KRT36: variants seen among roughly 807,000 people sequenced by gnomAD.
KRT36 encodes the protein keratin, type I cuticular Ha6.
KRT36 carries 41 observed loss-of-function variants against 43.0 expected under a neutral mutation model. The observed-to-expected ratio is 0.95, with a 90% CI of 0.74 to 1.24. The LOEUF is 1.24. Ranked by LOEUF, KRT36 falls within the 50% of genes most tolerant of loss-of-function variation. The pLI, the probability that KRT36 is intolerant of heterozygous loss-of-function variation, is 0.00. For missense variants in KRT36, 627 were observed against 595.3 expected, an observed-to-expected ratio of 1.05 and a Z score of -0.55; for synonymous variants, 277 against 252.9, an observed-to-expected ratio of 1.10 and a Z score of -0.90.
intron 1 of KRT36, 89 bp downstream of exon 1, chr17:41,489,317 T>C (rs563050850): frequency 7.2e-7 from 1 of 1,397,314 alleles, no homozygotes. Flanking sequence ...CCCTAAAAGC[T>C]ACCGTCCCAT....
chr17:41,488,507 A>G (rs1386925771), intron 2 of KRT36, 108 bp from the exon 3 acceptor site: 1 of 1,507,794 alleles, frequency 6.6e-7, no homozygotes, highest in Non-Finnish European at 9.1e-7. Context: ...GGAGCATGAC[A>G]CTCCTTTCCC....
chr17:41,489,195 G>A (rs141854147), intron 1 of KRT36, among the ~76,000 whole-genome samples: 210 of 152,298 alleles, frequency 1.4e-3, no homozygotes, highest in African/African-American at 4.8e-3. Flanking sequence ...AGCAAGGGGA[G>A]GGGGGTGAGG....
chr17:41,488,774 G>C (rs1349454172), intron 1 of KRT36, 50 bp from the exon 2 acceptor site: 1 of 1,455,132 alleles, frequency 6.9e-7, no homozygotes, highest in East Asian at 2.3e-5. Flanking sequence ...AGCAGTGTGG[G>C]GGCAGGTAGG....
chr17:41,489,740 A>T lies in KRT36; in HGVS notation c.125T>A (p.Leu42His). Residue 42 changes from leucine (L) to histidine (H), a missense_variant, in exon 1 of 7, where the codon CTC becomes CAC. Physicochemically the swap from Leu to His is moderately conservative, Grantham distance 99 (BLOSUM62 -3). Transcript: ENST00000328119. ...AGAGATGTACCCTGCAGCACCGGCGAGACTGGGGACCCTGCAGGAGCCCAC... is the reference window on the plus strand; with the variant it reads ...AGAGATGTACCCTGCAGCACCGGCGTGACTGGGGACCCTGCAGGAGCCCAC... ...RSVGSCRVPS[L>H]AGAAGYISSA... The T allele has an allele frequency of 6.2e-7, 1 of 1,614,066 alleles. No homozygotes were observed. The highest frequency in any genetic ancestry group is 1.1e-5 in the South Asian group (1 of 91,074).
In KRT36 at chr17:41,486,301, G is replaced by A. The variant is rs190109383; in HGVS notation, c.*75C>T. The A allele has an allele frequency of 8.8e-4, 1,172 of 1,333,674 alleles. 5 individuals carry two copies. The highest frequency in any genetic ancestry group is 7.8e-3 in the African/African-American group (537 of 69,024). The allele number at this position is 1,333,674 out of a possible 1,614,324, so 82.6% of individuals were successfully genotyped here. A position where few individuals can be genotyped will look rare whatever the true frequency, so the allele number is the denominator to read the frequency against. ...GACCCCTCTAGAGAAGGGCAGGGTC[G>A]TTAAGCCTCCAGGAGCCACAGGGGT... is the stretch of plus-strand genomic sequence containing the variant. On this transcript the variant is annotated 3_prime_UTR_variant, in exon 7 of 7. Coordinates refer to ENST00000328119, the MANE Select transcript of KRT36 (RefSeq NM_003771.5).
chr17:41,488,140 C>G, intron 3 of KRT36, 103 bp downstream of exon 3: 1 of 1,075,998 alleles, frequency 9.3e-7, no homozygotes. Flanking sequence ...GAATGAAATG[C>G]AAGGCCTTTG....
In KRT36 at chr17:41,486,529, AAT is replaced by A. The variant is rs762379005; in HGVS notation, c.1249_1250del (p.Ile417Ter). 33 of 1,604,030 alleles carry A rather than the reference AAT, an allele frequency of 2.1e-5. No homozygotes were observed. In the Middle Eastern group the frequency reaches 8.3e-4, roughly 40 times the overall value. ...QPCATACKPV[I>X]RVPSVPPVPC... ...GCACCGGGGGGACAGAAGGAACTCT[AAT>A]AACAGGCTTGCATGCCGTGGCACAA... On this transcript the variant is annotated frameshift_variant, in exon 7 of 7. Transcript: ENST00000328119. LOFTEE classifies it low-confidence loss of function (END_TRUNC).
At chr17:41,489,154 G>C (rs1904490578) in intron 1 of KRT36, among the ~76,000 whole-genome samples, 1 of 152,202 alleles carries the variant, frequency 6.6e-6, no homozygotes, top group African/African-American at 2.4e-5. Flanking sequence ...GTATCCGGTA[G>C]GGGCTTGGTA....
chr17:41,489,440 G>A lies in KRT36; in HGVS notation c.425C>T (p.Ser142Phe). The change falls in exon 1 of 7, where the codon TCC becomes TTC. Residue 142 changes from serine to phenylalanine, a missense_variant. Ser to Phe is a radical substitution (Grantham distance 155, BLOSUM62 -2). Coordinates refer to ENST00000328119, the MANE Select transcript of KRT36 (RefSeq NM_003771.5). ...GAAATCTTCGATGGTCTTGAAGTAG[G>A]ACTGGTAGTCTGGGCAGATGTATGG... is the stretch of plus-strand genomic sequence containing the variant. Reference protein sequence around the residue: ...QIPYICPDYQSYFKTIEDFQQ... With the variant: ...QIPYICPDYQFYFKTIEDFQQ... 6.2e-7 allele frequency: 1 copy of A among 1,614,238 alleles called. No individual in the cohort carries two copies. Among genetic ancestry groups the A allele is most frequent in the Non-Finnish European group, 8.5e-7 (1 of 1,180,040 alleles).
chr17:41,489,345 T>C (rs1416064062), intron 1 of KRT36, 61 bp downstream of exon 1: 1 of 1,540,632 alleles, frequency 6.5e-7, no homozygotes, highest in East Asian at 2.3e-5. Context: ...GGCCCTGGAA[T>C]GAGACAGACG....
In KRT36 at chr17:41,486,223, C is replaced by T. The variant is rs567416541; in HGVS notation, c.*153G>A. Reference sequence around the variant, plus strand: ...CATGGCGTAAAAGCACAGTTAAGTCCGGAAACACAATACGGGGAGTGTTTT... The same window carrying T: ...CATGGCGTAAAAGCACAGTTAAGTCTGGAAACACAATACGGGGAGTGTTTT... On this transcript the variant is annotated 3_prime_UTR_variant, in exon 7 of 7. Coordinates refer to ENST00000328119, the MANE Select transcript of KRT36 (RefSeq NM_003771.5). 13 of 612,532 alleles carry T rather than the reference C, an allele frequency of 2.1e-5. No individual in the cohort carries two copies. Among genetic ancestry groups the T allele is most frequent in the South Asian group, 8.2e-5 (4 of 48,740 alleles). The allele number at this position is 612,532 out of a possible 1,614,324, so 37.9% of individuals were successfully genotyped here.
In KRT36 at chr17:41,487,626, C is replaced by G; in HGVS notation, c.811G>C (p.Ala271Pro). 3.1e-6 allele frequency: 5 copies of G among 1,614,202 alleles called. No homozygotes were observed. The highest frequency in any genetic ancestry group is 3.4e-6 in the Non-Finnish European group (4 of 1,180,022). ...ILEDMRCQYE[A>P]LVENNRRDVE... ...TCTCTGCGGTTATTCTCCACCAGGGCCTCGTACTGGCATCTCATATCCTCC... is the reference window on the plus strand; with the variant it reads ...TCTCTGCGGTTATTCTCCACCAGGGGCTCGTACTGGCATCTCATATCCTCC... The change falls in exon 4 of 7, where the codon GCC (alanine) becomes CCC (proline). Residue 271 changes from alanine (A) to proline (P), a missense_variant. Transcript: ENST00000328119.
intron 1 of KRT36, among the ~76,000 whole-genome samples, 176 bp from the exon 2 acceptor site, chr17:41,488,900 G>T (rs1205032464): frequency 6.6e-6 from 1 of 152,124 alleles, no homozygotes; most frequent in Non-Finnish European, 1.5e-5. Flanking sequence ...GGGGCATCCC[G>T]AGGATGTCAG....
In KRT36 at chr17:41,487,336, G is replaced by C. The variant is rs1567709119; in HGVS notation, c.987+15C>G. ...CCACAGGCCGTGGCCAGCGACGCAG[G>C]CAGGGGCCACTCACCATGCTGTGCT... On this transcript the variant is annotated intron_variant, in intron 5 of 6. Coordinates refer to ENST00000328119, the MANE Select transcript of KRT36 (RefSeq NM_003771.5). The C allele has an allele frequency of 3.7e-6, 6 of 1,608,350 alleles. No homozygotes were observed. Among genetic ancestry groups the C allele is most frequent in the Non-Finnish European group, 5.1e-6 (6 of 1,178,796 alleles).
chr17:41,489,654 C>A lies in KRT36; in HGVS notation c.211G>T (p.Glu71Ter), dbSNP rs774823695. 10 of 1,614,082 alleles carry A rather than the reference C, an allele frequency of 6.2e-6. No individual in the cohort carries two copies. In the South Asian group the frequency reaches 9.9e-5, roughly 16 times the overall value. ...CCCACAAAGCCAGAGGTGTGGCACTCAGAAGACAGGTAGGAGCCAGGCAAG... is the reference window on the plus strand; with the variant it reads ...CCCACAAAGCCAGAGGTGTGGCACTAAGAAGACAGGTAGGAGCCAGGCAAG... ...SCLPGSYLSS[E>*]CHTSGFVGSG... Residue 71 changes from glutamate to a stop codon, truncating the protein, a stop_gained, in exon 1 of 7, where the codon GAG (glutamate) becomes TAG (stop). Transcript: ENST00000328119. LOFTEE classifies it high-confidence loss of function.
Position 41,489,494 on chromosome 17 carries a change from C to T in KRT36, c.371G>A (p.Arg124His), listed in dbSNP as rs574250840. 2.5e-5 allele frequency: 41 copies of T among 1,614,202 alleles called. No homozygotes were observed. Among genetic ancestry groups the T allele is most frequent in the African/African-American group, 8.0e-5 (6 of 75,038 alleles). ...CTGAAACTCGTACCACTCCTGGATG[C>T]GGCTCTCCAGCTCCGCGTTCTCCCG... ...LERENAELES[R>H]IQEWYEFQIP... Residue 124 changes from arginine to histidine, a missense_variant, in exon 1 of 7, where the codon CGC becomes CAC. Arg to His is a conservative substitution (Grantham distance 29). Coordinates refer to ENST00000328119, the MANE Select transcript of KRT36 (RefSeq NM_003771.5).
rs143420385 is a variant in KRT36 at position 41,486,978 on chromosome 17, G to A, written c.1180C>T (p.Arg394Cys). The stretch of plus-strand genomic sequence containing the variant: ...CAGTCCTCTCCCTCCAGCAGGTGGC[G>A]GTAGGTAGCGATCTCGCCCTCCAGC... ...ARLEGEIATY[R>C]HLLEGEDCKL... The change falls in exon 6 of 7, where the codon CGC becomes TGC. Residue 394 changes from arginine to cysteine, a missense_variant. Arg to Cys is a radical substitution (Grantham distance 180). Coordinates refer to ENST00000328119, the MANE Select transcript of KRT36 (RefSeq NM_003771.5). The A allele has an allele frequency of 6.7e-4, 1,077 of 1,613,404 alleles. 1 individual carries two copies. Among genetic ancestry groups the A allele is most frequent in the Non-Finnish European group, 8.7e-4 (1,022 of 1,179,946 alleles).
Position 41,489,184 on chromosome 17 carries a change from C to G in KRT36, c.459+222G>C, listed in dbSNP as rs534505775. Among the ~76,000 whole-genome samples, 4 of 152,294 alleles carry G rather than the reference C, an allele frequency of 2.6e-5. 1 individual carries two copies. The South Asian group carries it at 8.3e-4, about 32-fold the overall frequency. On this transcript the variant is annotated intron_variant, in intron 1 of 6. Coordinates refer to ENST00000328119, the MANE Select transcript of KRT36 (RefSeq NM_003771.5). ...TTGGTACATGTTCCTTCCCTTCCTA[C>G]AGCAAGGGGAGGGGGGTGAGGAACG...
Position 41,486,333 on chromosome 17 carries a change from C to T in KRT36, c.*43G>A. Reference sequence around the variant, plus strand: ...CTCCAGGAGCCACAGGGGTGTCCTCCTTCCTGTGGTCAGGGCCCTGCCCTG... The same window carrying T: ...CTCCAGGAGCCACAGGGGTGTCCTCTTTCCTGTGGTCAGGGCCCTGCCCTG... On this transcript the variant is annotated 3_prime_UTR_variant, in exon 7 of 7. Coordinates refer to ENST00000328119, the MANE Select transcript of KRT36 (RefSeq NM_003771.5). 1 of 1,570,560 alleles carries T rather than the reference C, an allele frequency of 6.4e-7. No individual in the cohort carries two copies. The highest frequency in any genetic ancestry group is 8.7e-7 in the Non-Finnish European group (1 of 1,145,110).
Sources: gnomAD v4.1 joint callset for allele counts (sites outside exome capture counted in the v4.1 genomes callset) on GRCh38, gnomAD v4.1.1 for gene constraint, MANE v1.5 for transcripts, NCBI Gene and HGNC (gene_info 2026-07-23, HGNC 2026-07-21) for gene names.